ANKFN1: variants seen among roughly 807,000 people sequenced by gnomAD.
ANKFN1 encodes ankyrin repeat and fibronectin type-III domain-containing protein 1.
Under a neutral mutation model 108.7 loss-of-function variants are expected in ANKFN1, and 74 were observed. The observed-to-expected ratio is 0.68, with a 90% CI of 0.56 to 0.83. The LOEUF (loss-of-function observed/expected upper bound fraction) is 0.83, where lower values mean the gene tolerates loss of function less well. Among genes scored for constraint, ANKFN1 ranks in the 40% least tolerant of loss-of-function variants. The pLI is 0.00. For missense variants in ANKFN1, 1,505 were observed against 1,382.3 expected (o/e 1.09, Z -1.41); for synonymous variants, 547 against 516.2 (o/e 1.06, Z -0.81).
At chr17:56,307,623 G>A (rs1245797909) in intron 3 of ANKFN1, among the ~76,000 whole-genome samples, 1 of 152,206 alleles carries the variant, frequency 6.6e-6, no homozygotes, top group African/African-American at 2.4e-5. Flanking sequence ...CTTTTACACT[G>A]TTGGTGGGAC....
intron 8 of ANKFN1, among the ~76,000 whole-genome samples, chr17:56,413,404 A>G (rs2048152977): frequency 6.6e-6 from 1 of 152,062 alleles, no homozygotes; most frequent in Non-Finnish European, 1.5e-5. Flanking sequence ...TCCTATTTGG[A>G]TGCCCTTTGT....
intron 14 of ANKFN1, among the ~76,000 whole-genome samples, chr17:56,465,941 C>T (rs547761029): frequency 6.6e-6 from 1 of 152,308 alleles, no homozygotes; most frequent in South Asian, 2.1e-4. Flanking sequence ...TACCAGCTTA[C>T]TGCAGATCTC....
intron 4 of ANKFN1, among the ~76,000 whole-genome samples, chr17:56,094,474 CTTTTTTTTTT>C (rs60149030): frequency 3.9e-5 from 3 of 75,974 alleles, no homozygotes; most frequent in Non-Finnish European, 2.3e-5. Flanking sequence ...GTTGTTTCTT[CTTTTTTTTTT>C]TTTTTTTTTT....
At chr17:56,136,942 G>C (rs1016364218) in intron 4 of ANKFN1, among the ~76,000 whole-genome samples, 2 of 152,142 alleles carry the variant, frequency 1.3e-5, no homozygotes, top group Non-Finnish European at 2.9e-5. Context: ...GAAAGATTAG[G>C]GTTACTCTTC....
chr17:56,196,086 G>T (rs1164136704), intron 1 of ANKFN1, among the ~76,000 whole-genome samples: 1 of 152,014 alleles, frequency 6.6e-6, no homozygotes, highest in Admixed American at 6.6e-5. Flanking sequence ...GGACAACATG[G>T]CAAAACCACA....
chr17:56,316,098 T>C (rs1374095078), intron 3 of ANKFN1, among the ~76,000 whole-genome samples: 1 of 152,218 alleles, frequency 6.6e-6, no homozygotes, highest in Non-Finnish European at 1.5e-5. Flanking sequence ...GGACAAAGTT[T>C]TTATTTTCAG....
chr17:56,366,172 T>A (rs541795595), intron 6 of ANKFN1, among the ~76,000 whole-genome samples: 44 of 152,366 alleles, frequency 2.9e-4, no homozygotes, highest in African/African-American at 9.6e-4. Context: ...AAATTTTTTT[T>A]AATTTTTTAA....
chr17:56,335,788 T>C (rs146419202), intron 4 of ANKFN1, among the ~76,000 whole-genome samples: 28 of 151,954 alleles, frequency 1.8e-4, no homozygotes, highest in African/African-American at 6.8e-4. Context: ...ATCCCTGTCT[T>C]GTGCCAGTTT....
intron 3 of ANKFN1, chr17:56,323,323 T>C (rs2045422056): frequency 6.6e-6 from 1 of 152,634 alleles, no homozygotes; most frequent in African/African-American, 2.4e-5. Flanking sequence ...ATCTCACTTA[T>C]ACTTCTCTCA....
chr17:56,486,201 C>T (rs1357333478), intron 18 of ANKFN1, among the ~76,000 whole-genome samples: 2 of 152,190 alleles, frequency 1.3e-5, no homozygotes, highest in Non-Finnish European at 2.9e-5. Flanking sequence ...TACTTTCTCA[C>T]CTTCTTGGTC....
At chr17:56,216,948 G>T (rs1034641733) in intron 2 of ANKFN1, among the ~76,000 whole-genome samples, 1 of 152,074 alleles carries the variant, frequency 6.6e-6, no homozygotes, top group Non-Finnish European at 1.5e-5. Flanking sequence ...ATAAAAGGAA[G>T]AAAAAGAAAA....
At chr17:56,466,710 G>A in intron 15 of ANKFN1, 139 bp downstream of exon 15, 2 of 701,802 alleles carry the variant, frequency 2.8e-6, no homozygotes, top group Non-Finnish European at 4.7e-6. Context: ...TGTTGCAAAT[G>A]CAGAAGCTTA....
chr17:56,183,342 A>C (rs1247799747), intron 1 of ANKFN1, among the ~76,000 whole-genome samples: 1 of 152,190 alleles, frequency 6.6e-6, no homozygotes, highest in Non-Finnish European at 1.5e-5. Flanking sequence ...GAAGAAAGTC[A>C]AAATACCAAC....
At chr17:56,260,333 A>G (rs1415841927) in intron 3 of ANKFN1, among the ~76,000 whole-genome samples, 1 of 152,100 alleles carries the variant, frequency 6.6e-6, no homozygotes, top group East Asian at 1.9e-4. Flanking sequence ...AATGAGGGAG[A>G]GTGGAATAAA....
intron 2 of ANKFN1, among the ~76,000 whole-genome samples, chr17:56,222,801 T>G (rs1296746574): frequency 6.6e-6 from 1 of 152,198 alleles, no homozygotes; most frequent in Non-Finnish European, 1.5e-5. Flanking sequence ...AAGAGTGATT[T>G]GCACAACCCA....
At chr17:56,450,138 A>G (rs1361273885) in intron 11 of ANKFN1, among the ~76,000 whole-genome samples, 1 of 152,226 alleles carries the variant, frequency 6.6e-6, no homozygotes, top group Non-Finnish European at 1.5e-5. Flanking sequence ...CAGCTGGGTA[A>G]GAAATCCACT....
At chr17:56,275,331 A>G (rs2144207724) in intron 3 of ANKFN1, among the ~76,000 whole-genome samples, 1 of 151,152 alleles carries the variant, frequency 6.6e-6, no homozygotes, top group East Asian at 1.9e-4. Flanking sequence ...TTTTTTTTTA[A>G]CAGCCTCCAG....
intron 15 of ANKFN1, chr17:56,471,017 A>G (rs1041459537): frequency 2.6e-5 from 4 of 152,128 alleles, no homozygotes; most frequent in African/African-American, 9.7e-5. Context: ...AATCTCTCAC[A>G]TGTGTACTAT....
chr17:56,070,963 C>T (rs1330648463), intron 4 of ANKFN1, among the ~76,000 whole-genome samples: 2 of 151,108 alleles, frequency 1.3e-5, no homozygotes, highest in African/African-American at 4.9e-5. Context: ...CTCGATCTCT[C>T]GACCTCATGA....
Sources: allele counts gnomAD v4.1 joint callset (sites outside exome capture counted in the v4.1 genomes callset), GRCh38; gene constraint gnomAD v4.1.1; transcripts MANE v1.5; gene names NCBI Gene and HGNC (gene_info 2026-07-23, HGNC 2026-07-21).